SPSB4: variants seen among roughly 807,000 people sequenced by gnomAD.
The protein encoded by SPSB4 is SPRY domain-containing SOCS box protein 4.
A neutral mutation model predicts 20.9 loss-of-function variants in SPSB4; 21 were observed. The ratio of observed to expected loss-of-function variants is 1.01; its 90% CI spans 0.71 to 1.45. The LOEUF is 1.45. Among genes scored for constraint, SPSB4 ranks in the 40% most tolerant of loss-of-function variants. The pLI is 0.00. For synonymous variants in SPSB4, 207 were observed against 183.8 expected, an observed-to-expected ratio of 1.13 and a Z score of -1.02; for missense variants, 399 against 399.2, an observed-to-expected ratio of 1.00 and a Z score of 0.00.
chr3:141,133,854 G>T (rs1939176237), intron 2 of SPSB4, among the ~76,000 whole-genome samples: 1 of 151,968 alleles, frequency 6.6e-6, no homozygotes, highest in African/African-American at 2.4e-5. Flanking sequence ...GAATTGCATT[G>T]AATTTGTAGA....
rs532400150 is a variant in SPSB4 at position 141,079,977 on chromosome 3, T to C, written c.694+13179T>C. 7.7e-4 allele frequency among the ~76,000 whole-genome samples: 118 copies of C among 152,306 alleles called. 1 individual carries two copies. Among genetic ancestry groups the C allele is most frequent in the African/African-American group, 2.7e-3 (114 of 41,568 alleles). ...GGTCAGCAGCAGGGAGACACCAACA[T>C]GTCTTTCCATCTTTTAGACTTCAGT... On this transcript the variant is annotated intron_variant, in intron 2 of 2. Transcript: ENST00000310546.
chr3:141,100,203 T>G (rs1362158580), intron 2 of SPSB4, among the ~76,000 whole-genome samples: 1 of 152,168 alleles, frequency 6.6e-6, no homozygotes, highest in Non-Finnish European at 1.5e-5. Context: ...GTGTTATGAG[T>G]TGATTGTGTC....
chr3:141,143,098 G>A (rs1393249425), intron 2 of SPSB4, among the ~76,000 whole-genome samples: 1 of 152,006 alleles, frequency 6.6e-6, no homozygotes, highest in Non-Finnish European at 1.5e-5. Context: ...TTACAGGTCT[G>A]AGCCACCACG....
intron 2 of SPSB4, among the ~76,000 whole-genome samples, chr3:141,122,734 T>C (rs1938988732): frequency 6.6e-6 from 1 of 152,204 alleles, no homozygotes; most frequent in Admixed American, 6.5e-5. Flanking sequence ...TCCGTGGGCG[T>C]GGGACCCGCC....
intron 2 of SPSB4, chr3:141,132,263 G>A (rs764138354): frequency 2.4e-6 from 1 of 409,216 alleles, no homozygotes; most frequent in African/African-American, 2.2e-5. Flanking sequence ...CGCCTCCCGG[G>A]TTCAAGCTAT....
chr3:141,117,347 C>T (rs145222682), intron 2 of SPSB4, among the ~76,000 whole-genome samples: 177 of 152,284 alleles, frequency 1.2e-3, no homozygotes, highest in African/African-American at 3.9e-3. Flanking sequence ...TGTTTCCTTC[C>T]AGCTCTGCCT....
At chr3:141,119,583 A>G (rs1326242969) in intron 2 of SPSB4, among the ~76,000 whole-genome samples, 1 of 152,214 alleles carries the variant, frequency 6.6e-6, no homozygotes, top group African/African-American at 2.4e-5. Context: ...TTCAAAGGGA[A>G]TGCTTCCAGT....
intron 2 of SPSB4, among the ~76,000 whole-genome samples, chr3:141,089,415 AAGGAGGGCTGTGCAG>A (rs1210823442): frequency 6.6e-6 from 1 of 152,196 alleles, no homozygotes; most frequent in Admixed American, 6.5e-5. Context: ...CAGGGAGTGA[AAGGAGGGCTGTGCAG>A]AGGAGGTAAC....
At chr3:141,105,710 G>A (rs919279923) in intron 2 of SPSB4, among the ~76,000 whole-genome samples, 1 of 152,204 alleles carries the variant, frequency 6.6e-6, no homozygotes, top group African/African-American at 2.4e-5. Context: ...CATTGACAGG[G>A]TTAGGAAGAG....
chr3:141,068,263 T>C (rs761016760), intron 2 of SPSB4, among the ~76,000 whole-genome samples: 39 of 152,208 alleles, frequency 2.6e-4, no homozygotes, highest in Admixed American at 1.8e-3. Context: ...ACAATTGCCA[T>C]TGAATGGCAA....
chr3:141,135,503 C>A (rs1222868232), intron 2 of SPSB4, among the ~76,000 whole-genome samples: 1 of 151,076 alleles, frequency 6.6e-6, no homozygotes, highest in Non-Finnish European at 1.5e-5. Context: ...TCCCCCCACC[C>A]CACACCAGTC....
At chr3:141,094,958 C>T (rs1285795361) in intron 2 of SPSB4, among the ~76,000 whole-genome samples, 1 of 152,022 alleles carries the variant, frequency 6.6e-6, no homozygotes, top group African/African-American at 2.4e-5. Flanking sequence ...AGTGGCTGCA[C>T]TGCTCCTCCC....
intron 1 of SPSB4, among the ~76,000 whole-genome samples, chr3:141,062,776 T>C (rs545966467): frequency 6.6e-6 from 1 of 152,350 alleles, no homozygotes; most frequent in Admixed American, 6.5e-5. Context: ...TTTTTGAAGT[T>C]TTGTTTGTGA....
intron 2 of SPSB4, among the ~76,000 whole-genome samples, chr3:141,093,805 C>T (rs1264025155): frequency 6.6e-6 from 1 of 152,222 alleles, no homozygotes; most frequent in African/African-American, 2.4e-5. Flanking sequence ...GAGCCCTGTG[C>T]CCACTCCTCC....
At chr3:141,065,672 C>T (rs1327006082) in intron 1 of SPSB4, among the ~76,000 whole-genome samples, 2 of 152,240 alleles carry the variant, frequency 1.3e-5, no homozygotes, top group African/African-American at 2.4e-5. Flanking sequence ...TTCGGCTAAT[C>T]GCTTATCCTC....
At chr3:141,061,699 T>C (rs1472066405) in intron 1 of SPSB4, among the ~76,000 whole-genome samples, 1 of 151,040 alleles carries the variant, frequency 6.6e-6, no homozygotes, top group Non-Finnish European at 1.5e-5. Flanking sequence ...AATATCCTTT[T>C]TCTTCTCTTT....
At chr3:141,138,234 C>T (rs1002809926) in intron 2 of SPSB4, among the ~76,000 whole-genome samples, 9 of 151,946 alleles carry the variant, frequency 5.9e-5, no homozygotes, top group Non-Finnish European at 1.2e-4. Context: ...TTTTCTTCTT[C>T]ATTAGTCTTG....
intron 1 of SPSB4, among the ~76,000 whole-genome samples, chr3:141,056,592 T>C (rs1268525095): frequency 2.0e-5 from 3 of 152,382 alleles, no homozygotes; most frequent in Admixed American, 6.5e-5. Flanking sequence ...CAACCAGTTA[T>C]ACCAAGTGGA....
At position 141,114,783 on chromosome 3, in the gene SPSB4, T is replaced by C. The variant is rs1319053006; in HGVS notation, c.695-32359T>C. ...TTTCTCTATCATTTTTCTCTACCAA[T>C]ATGTTTTTGTCCATAAACCTCTAAT... On this transcript the variant is annotated intron_variant, in intron 2 of 2. Coordinates refer to ENST00000310546, the MANE Select transcript of SPSB4 (RefSeq NM_080862.3). Among the ~76,000 whole-genome samples the C allele has an allele frequency of 2.6e-5, 4 of 152,256 alleles. No homozygotes were observed. The South Asian group carries it at 8.3e-4, about 31-fold the overall frequency.
Sources: allele counts gnomAD v4.1 joint callset (sites outside exome capture counted in the v4.1 genomes callset), GRCh38; gene constraint gnomAD v4.1.1; transcripts MANE v1.5; gene names NCBI Gene and HGNC (gene_info 2026-07-23, HGNC 2026-07-21).